AFP: variants seen among roughly 807,000 people sequenced by gnomAD.
AFP encodes the protein alpha-fetoprotein.
A neutral mutation model predicts 78.9 loss-of-function variants in AFP; 64 were observed. That is an observed-to-expected ratio of 0.81 (90% CI 0.66 to 1.00). The LOEUF (loss-of-function observed/expected upper bound fraction) is 1.00, where lower values mean the gene tolerates loss of function less well. Ranked by LOEUF, AFP falls within the 50% of genes least tolerant of loss-of-function variation. AFP has a pLI of 0.00. For missense variants in AFP, 689 were observed against 703.8 expected, an observed-to-expected ratio of 0.98 and a Z score of 0.24; for synonymous variants, 254 against 243.8, an observed-to-expected ratio of 1.04 and a Z score of -0.39.
chr4:73,436,345 T>A lies in AFP; in HGVS notation c.83T>A (p.Ile28Lys). Reference sequence around the variant, plus strand: ...ACACTGCATAGAAATGAATATGGAATAGGTGAGATATTTTGTGTTTTTCTT... The same window carrying A: ...ACACTGCATAGAAATGAATATGGAAAAGGTGAGATATTTTGTGTTTTTCTT... ...SRTLHRNEYG[I>K]ASILDSYQCT... The change falls in exon 1 of 15, where the codon ATA becomes AAA. Residue 28 changes from isoleucine (I) to lysine (K), a missense_variant and splice_region_variant. Ile to Lys is a moderately radical substitution (Grantham distance 102, BLOSUM62 -3). Coordinates refer to ENST00000395792, the MANE Select transcript of AFP (RefSeq NM_001134.3). 6.4e-7 allele frequency: 1 copy of A among 1,558,854 alleles called. No individual in the cohort carries two copies. The highest frequency in any genetic ancestry group is 8.8e-7 in the Non-Finnish European group (1 of 1,140,890).
In AFP at chr4:73,438,182, T is replaced by C. The variant is rs1383178003; in HGVS notation, c.146T>C (p.Ile49Thr). 2 of 1,613,406 alleles carry C rather than the reference T, an allele frequency of 1.2e-6. No individual in the cohort carries two copies. Among genetic ancestry groups the C allele is most frequent in the Non-Finnish European group, 1.7e-6 (2 of 1,179,452 alleles). The part of the protein sequence containing the change: ...AEISLADLAT[I>T]FFAQFVQEAT... ...ACGTATTTTTGTTTCAGGGCTACCA[T>C]ATTTTTTGCCCAGTTTGTTCAAGAA... is the stretch of plus-strand genomic sequence containing the variant. The change falls in exon 3 of 15, where the codon ATA becomes ACA. Residue 49 changes from isoleucine (I) to threonine (T), a missense_variant. Physicochemically the swap from Ile to Thr is moderately conservative, Grantham distance 89. Coordinates refer to ENST00000395792, the MANE Select transcript of AFP (RefSeq NM_001134.3).
chr4:73,452,375 C>T (rs756483632), intron 11 of AFP, 26 bp from the exon 12 acceptor site: 1 of 1,601,380 alleles, frequency 6.2e-7, no homozygotes, highest in Non-Finnish European at 8.6e-7. Context: ...AATCTCCTTA[C>T]TTTTTTTTCT....
intron 11 of AFP, 59 bp from the exon 12 acceptor site, chr4:73,452,342 A>G: frequency 6.9e-7 from 1 of 1,445,450 alleles, no homozygotes; most frequent in Non-Finnish European, 9.7e-7. Flanking sequence ...TGAAAAACTG[A>G]ACCAACTTTG....
chr4:73,438,051 CA>C, intron 2 of AFP, 122 bp from the exon 3 acceptor site: 2 of 1,359,016 alleles, frequency 1.5e-6, no homozygotes, highest in Non-Finnish European at 2.0e-6. Context: ...TTTTACAAAT[CA>C]AATGTCTAAA....
At chr4:73,439,966 A>G (rs1391393169) in intron 3 of AFP, among the ~76,000 whole-genome samples, 1 of 152,150 alleles carries the variant, frequency 6.6e-6, no homozygotes, top group Non-Finnish European at 1.5e-5. Context: ...TGTATATACC[A>G]TAATATATAC....
intron 4 of AFP, among the ~76,000 whole-genome samples, chr4:73,441,141 A>C (rs1467313400): frequency 6.6e-6 from 1 of 151,962 alleles, no homozygotes; most frequent in Non-Finnish European, 1.5e-5. Context: ...GTATTGCACC[A>C]AATTGATGCT....
rs759381867 is a variant in AFP, at chr4:73,438,310, A to C, written c.270+4A>C. 27 of 1,610,236 alleles carry C rather than the reference A, an allele frequency of 1.7e-5. No homozygotes were observed. Among genetic ancestry groups the C allele is most frequent in the Middle Eastern group, 3.3e-4 (2 of 6,074 alleles). ...TTCAGGGTGTTTAGAAAACCAGGTG[A>C]GTGAATAATTTTAAAAAAGCATTGT... On this transcript the variant is annotated splice_donor_region_variant and intron_variant, in intron 3 of 14. Transcript: ENST00000395792.
At position 73,442,391 on chromosome 4, in the gene AFP, G is replaced by A; in HGVS notation, c.578G>A (p.Cys193Tyr). 1 of 1,613,946 alleles carries A rather than the reference G, an allele frequency of 6.2e-7. No homozygotes were observed. Among genetic ancestry groups the A allele is most frequent in the East Asian group, 2.2e-5 (1 of 44,878 alleles). The change falls in exon 5 of 15, where the codon TGC (cysteine) becomes TAC (tyrosine). Residue 193 changes from cysteine to tyrosine, a missense_variant. Transcript: ENST00000395792. ...TATGACAAAATAATTCCATCTTGCT[G>A]CAAAGCTGAAAATGCAGTTGAATGC... ...ARYDKIIPSC[C>Y]KAENAVECFQ... is the part of the protein sequence containing the mutation.
Position 73,447,585 on chromosome 4 carries a change from C to T in AFP, c.967C>T (p.Pro323Ser). ...AATTCATGCAGAAAATGATGAAAAA[C>T]CTGAAGGTCTATCTCCAAATCTAAA... ...CIIHAENDEK[P>S]EGLSPNLNRF... The change falls in exon 8 of 15, where the codon CCT becomes TCT. Residue 323 changes from proline (P) to serine (S), a missense_variant. Transcript: ENST00000395792. 2 of 1,612,214 alleles carry T rather than the reference C, an allele frequency of 1.2e-6. No homozygotes were observed. Among genetic ancestry groups the T allele is most frequent in the Non-Finnish European group, 1.7e-6 (2 of 1,179,662 alleles).
In AFP at chr4:73,453,842, G is replaced by C. The variant is rs1232315175; in HGVS notation, c.1730G>C (p.Gly577Ala). The C allele has an allele frequency of 1.2e-6, 2 of 1,613,804 alleles. No individual in the cohort carries two copies. Among genetic ancestry groups the C allele is most frequent in the Non-Finnish European group, 1.7e-6 (2 of 1,179,780 alleles). ...GAGGCTGTCATTGCAGATTTCTCAG[G>C]CCTGTTGGAGAAATGCTGCCAAGGC... is the stretch of plus-strand genomic sequence containing the variant. The part of the protein sequence containing the change: ...QLEAVIADFS[G>A]LLEKCCQGQE... Residue 577 changes from glycine to alanine, a missense_variant, in exon 13 of 15, where the codon GGC (glycine) becomes GCC (alanine). Gly to Ala is a moderately conservative substitution (Grantham distance 60). Transcript: ENST00000395792.
At chr4:73,438,386 T>A in intron 3 of AFP, 80 bp downstream of exon 3, 3 of 1,478,380 alleles carry the variant, frequency 2.0e-6, no homozygotes, top group South Asian at 1.2e-5. Flanking sequence ...AAAATAGCAG[T>A]GAAAAATGCA....
chr4:73,444,826 G>T (rs1380313522), intron 6 of AFP, among the ~76,000 whole-genome samples, 167 bp from the exon 7 acceptor site: 1 of 152,152 alleles, frequency 6.6e-6, no homozygotes, highest in Non-Finnish European at 1.5e-5. Flanking sequence ...CACCTTGAAA[G>T]ATATGGCTGG....
chr4:73,452,689 A>G (rs955809436), intron 12 of AFP, 65 bp downstream of exon 12: 14 of 1,240,828 alleles, frequency 1.1e-5, no homozygotes, highest in African/African-American at 8.9e-5. Flanking sequence ...TGAGACTTCT[A>G]CCTCGCTCAC....
Position 73,445,098 on chromosome 4 carries a change from TG to T in AFP, c.820del (p.Val274CysfsTer26). 2 of 1,613,986 alleles carry T rather than the reference TG, an allele frequency of 1.2e-6. No homozygotes were observed. Among genetic ancestry groups the T allele is most frequent in the Non-Finnish European group, 1.7e-6 (2 of 1,179,888 alleles). ...TACATGAGCACTGTTGCAGAGGAGATGTGCTGGATTGTCTGCAGGATGGGGT... is the reference window on the plus strand; with the variant it reads ...TACATGAGCACTGTTGCAGAGGAGATTGCTGGATTGTCTGCAGGATGGGGT... The part of the protein sequence containing the change: ...HVHEHCCRGD[V>X]LDCLQDGEKI... On this transcript the variant is annotated frameshift_variant, in exon 7 of 15. Coordinates refer to ENST00000395792, the MANE Select transcript of AFP (RefSeq NM_001134.3). LOFTEE classifies it high-confidence loss of function.
intron 6 of AFP, among the ~76,000 whole-genome samples, chr4:73,444,086 G>T (rs1448287572): frequency 6.6e-6 from 1 of 152,006 alleles, no homozygotes; most frequent in Non-Finnish European, 1.5e-5. Context: ...ATTGCTGTTT[G>T]GTTAAATAAC....
At chr4:73,438,030 A>G (rs1719558052) in intron 2 of AFP, 144 bp from the exon 3 acceptor site, 6 of 1,212,550 alleles carry the variant, frequency 4.9e-6, no homozygotes, top group Non-Finnish European at 6.8e-6. Flanking sequence ...CTGGAAGCTA[A>G]TTTTACATAA....
intron 12 of AFP, 110 bp downstream of exon 12, chr4:73,452,734 C>A: frequency 1.2e-6 from 1 of 866,866 alleles, no homozygotes. Flanking sequence ...GAGCGTTACT[C>A]CCAAAACACT....
chr4:73,455,970 T>C lies in AFP; in HGVS notation c.*350T>C, dbSNP rs78882370. 1.0e-5 allele frequency: 3 copies of C among 292,004 alleles called. No individual in the cohort carries two copies. The highest frequency in any genetic ancestry group is 1.9e-5 in the Non-Finnish European group (3 of 159,154). 18.1% of individuals were successfully genotyped at this position (292,004 alleles called of 1,614,324 possible). The stretch of plus-strand genomic sequence containing the variant: ...AAAATGTTCCCAAGTTAAACACTAT[T>C]TGATGCTACCAGGGCATTTTGTTTA... On this transcript the variant is annotated 3_prime_UTR_variant, in exon 15 of 15. Coordinates refer to ENST00000395792, the MANE Select transcript of AFP (RefSeq NM_001134.3).
chr4:73,437,928 T>C (rs531143642), intron 2 of AFP, among the ~76,000 whole-genome samples: 5 of 152,080 alleles, frequency 3.3e-5, no homozygotes, highest in African/African-American at 9.7e-5. Flanking sequence ...ACCACTCTTA[T>C]GGGAAATCCA....
Sources: gnomAD v4.1 joint callset for allele counts (sites outside exome capture counted in the v4.1 genomes callset) on GRCh38, gnomAD v4.1.1 for gene constraint, MANE v1.5 for transcripts, NCBI Gene and HGNC (gene_info 2026-07-23, HGNC 2026-07-21) for gene names.